NFATC2: variants seen among roughly 807,000 people sequenced by gnomAD.
NFATC2 encodes nuclear factor of activated T cells 2.
Under a neutral mutation model 87.3 loss-of-function variants are expected in NFATC2, and 22 were observed. The observed-to-expected ratio is 0.25, with a 90% CI of 0.18 to 0.36. The LOEUF (loss-of-function observed/expected upper bound fraction) is 0.36, where lower values mean the gene tolerates loss of function less well. Ranked by LOEUF, NFATC2 falls within the 10% of genes least tolerant of loss-of-function variation. NFATC2 has a pLI of 1.00. For missense variants in NFATC2, 1,149 were observed against 1,259.1 expected (o/e 0.91, Z 1.32); for synonymous variants, 565 against 542.2 (o/e 1.04, Z -0.58).
intron 9 of NFATC2, among the ~76,000 whole-genome samples, chr20:51,414,632 T>G (rs949506824): frequency 6.6e-6 from 1 of 151,572 alleles, no homozygotes; most frequent in African/African-American, 2.4e-5. Flanking sequence ...GAGGTTGCAG[T>G]GAGCAGAGAT....
intron 3 of NFATC2, among the ~76,000 whole-genome samples, chr20:51,487,337 G>A (rs527696630): frequency 9.2e-5 from 14 of 152,160 alleles, no homozygotes; most frequent in African/African-American, 3.4e-4. Context: ...ATTCCTCTGC[G>A]GGAGCCAGGG....
chr20:51,447,801 G>A (rs77108341), intron 6 of NFATC2, among the ~76,000 whole-genome samples: 1 of 152,214 alleles, frequency 6.6e-6, no homozygotes, highest in Non-Finnish European at 1.5e-5. Flanking sequence ...AAATAGGAAA[G>A]ACCCTGATTG....
chr20:51,538,701 A>C (rs1168013396), intron 1 of NFATC2, among the ~76,000 whole-genome samples: 2 of 152,254 alleles, frequency 1.3e-5, no homozygotes, highest in African/African-American at 4.8e-5. Context: ...CATTAACAAA[A>C]GCAAGGGTTT....
At chr20:51,513,484 T>C (rs574466128) in intron 3 of NFATC2, among the ~76,000 whole-genome samples, 1 of 152,226 alleles carries the variant, frequency 6.6e-6, no homozygotes, top group Non-Finnish European at 1.5e-5. Flanking sequence ...ATCTCTAAAA[T>C]AAGCAAACAA....
chr20:51,446,107 C>G (rs1282624384), intron 6 of NFATC2, among the ~76,000 whole-genome samples: 1 of 152,150 alleles, frequency 6.6e-6, no homozygotes, highest in South Asian at 2.1e-4. Context: ...CTTCCCCATC[C>G]GTAAAATGGG....
intron 9 of NFATC2, 104 bp from the exon 10 acceptor site, chr20:51,398,834 A>AACTT: frequency 2.5e-6 from 2 of 795,078 alleles, no homozygotes; most frequent in Non-Finnish European, 4.2e-6. Context: ...CCCAGGAGGG[A>AACTT]ACTTAACCCT....
chr20:51,474,950 C>T (rs902118688), intron 4 of NFATC2, among the ~76,000 whole-genome samples: 4 of 151,418 alleles, frequency 2.6e-5, no homozygotes, highest in Admixed American at 2.6e-4. Context: ...CATGAAAATA[C>T]TGACATATTA....
chr20:51,514,394 TTG>T (rs1342419819), intron 3 of NFATC2, among the ~76,000 whole-genome samples: 2 of 152,254 alleles, frequency 1.3e-5, no homozygotes, highest in African/African-American at 4.8e-5. Context: ...CCTGCTATGT[TTG>T]TGGCAGCAAA....
chr20:51,432,783 G>T lies in NFATC2; in HGVS notation c.2033-27C>A. On this transcript the variant is annotated intron_variant, in intron 8 of 10. Transcript: ENST00000371564. The surrounding 1 kb of genome is among the most constrained non-coding windows in gnomAD (Gnocchi z 4.6). ...TGGGAGGAGAAAAGAGCACATAGGGGCGCCCATGGCAGTGAGCCACGGATG... is the reference window on the plus strand; with the variant it reads ...TGGGAGGAGAAAAGAGCACATAGGGTCGCCCATGGCAGTGAGCCACGGATG... 6.6e-7 allele frequency: 1 copy of T among 1,523,148 alleles called. No individual in the cohort carries two copies. The allele number at this position is 1,523,148 out of a possible 1,614,324, so 94.4% of individuals were successfully genotyped here.
Position 51,407,413 on chromosome 20 carries a change from G to A in NFATC2, c.2723-8683C>T, listed in dbSNP as rs184249488. ...TTAGCCCCAGCAGTGAGCAATAAACGGCTGTTGGATGAATGAATGATTTAG... is the reference window on the plus strand; with the variant it reads ...TTAGCCCCAGCAGTGAGCAATAAACAGCTGTTGGATGAATGAATGATTTAG... On this transcript the variant is annotated intron_variant, in intron 9 of 10. Coordinates refer to ENST00000371564, the MANE Select transcript of NFATC2 (RefSeq NM_012340.5). 6.6e-5 allele frequency among the ~76,000 whole-genome samples: 10 copies of A among 152,304 alleles called. No homozygotes were observed. In the East Asian group the frequency reaches 1.9e-3, roughly 29 times the overall value.
At position 51,387,560 on chromosome 20, in the gene NFATC2, T is replaced by A. The variant is rs1285172103; in HGVS notation, c.*3936A>T. ...ACTCACAAAAGCTGAGGGAAATGGA[T>A]GTTTATGATCACAATTTTATAGGAT... On this transcript the variant is annotated 3_prime_UTR_variant, in exon 11 of 11. Coordinates refer to ENST00000371564, the MANE Select transcript of NFATC2 (RefSeq NM_012340.5). 1 of 152,212 alleles carries A rather than the reference T, an allele frequency of 6.6e-6. No individual in the cohort carries two copies. Among genetic ancestry groups the A allele is most frequent in the Admixed American group, 6.5e-5 (1 of 15,288 alleles). 9.4% of individuals were successfully genotyped at this position (152,212 alleles called of 1,614,324 possible).
At chr20:51,459,378 C>A (rs543741892) in intron 5 of NFATC2, among the ~76,000 whole-genome samples, 17 of 152,238 alleles carry the variant, frequency 1.1e-4, no homozygotes, top group Admixed American at 5.9e-4. Flanking sequence ...GAGAGCAGAT[C>A]GGGGCTCACT....
In NFATC2 at chr20:51,562,459, G is replaced by T; in HGVS notation, c.70+101C>A. 1.8e-6 allele frequency: 2 copies of T among 1,114,040 alleles called. No individual in the cohort carries two copies. Among genetic ancestry groups the T allele is most frequent in the East Asian group, 2.7e-5 (1 of 36,452 alleles). The allele number at this position is 1,114,040 out of a possible 1,614,324, so 69.0% of individuals were successfully genotyped here. ...GCGGGGTCCCCAGGCCTCCCGCACC[G>T]ACCTCTGCCGGGAGCTGAAAGTGCT... On this transcript the variant is annotated intron_variant, in intron 1 of 10. Coordinates refer to the NFATC2 transcript ENST00000414705. The surrounding 1 kb of genome is among the most constrained non-coding windows in gnomAD (Gnocchi z 5.8).
chr20:51,498,480 CAT>C (rs1286562391), intron 3 of NFATC2, among the ~76,000 whole-genome samples: 2 of 152,080 alleles, frequency 1.3e-5, no homozygotes, highest in African/African-American at 4.8e-5. Flanking sequence ...GAAGAGAGAA[CAT>C]ATATCAGGCT....
Position 51,562,523 on chromosome 20 carries a change from G to C in NFATC2, c.70+37C>G. Reference sequence around the variant, plus strand: ...GCAGCAGGAAAGGGCCGGGAGGAGCGAGCGGAAAAGGCTGGAAGGGATCGA... The same window carrying C: ...GCAGCAGGAAAGGGCCGGGAGGAGCCAGCGGAAAAGGCTGGAAGGGATCGA... On this transcript the variant is annotated intron_variant, in intron 1 of 10. Transcript: ENST00000414705. The surrounding 1 kb of genome is among the most constrained non-coding windows in gnomAD (Gnocchi z 5.8). The C allele has an allele frequency of 1.3e-6, 2 of 1,519,778 alleles. No homozygotes were observed. The highest frequency in any genetic ancestry group is 1.8e-6 in the Non-Finnish European group (2 of 1,120,530). 94.1% of individuals were successfully genotyped at this position (1,519,778 alleles called of 1,614,324 possible).
rs397864888 is a variant in NFATC2, at chr20:51,540,658, G to GTTTTTTTTTTTTTTT, written c.130+1711_130+1712insAAAAAAAAAAAAAAA. Among the ~76,000 whole-genome samples the GTTTTTTTTTTTTTTT allele has an allele frequency of 8.5e-4, 93 of 110,000 alleles. 2 individuals are homozygous for GTTTTTTTTTTTTTTT. The East Asian group carries it at 9.1e-3, about 11-fold the overall frequency. 72.2% of individuals were successfully genotyped at this position (110,000 alleles called of 152,430 possible). ...TTCCAAAAACTGAAGTTTTTTTTTT[G>GTTTTTTTTTTTTTTT]TTTTTTTTTTTTTGAGAAAACAGAT... On this transcript the variant is annotated intron_variant, in intron 1 of 10. Transcript: ENST00000371564.
At position 51,471,251 on chromosome 20, in the gene NFATC2, T is replaced by C. The variant is rs1294569306; in HGVS notation, c.1708+2729A>G. Among the ~76,000 whole-genome samples the C allele has an allele frequency of 4.6e-5, 7 of 152,144 alleles. No individual in the cohort carries two copies. The South Asian group carries it at 8.3e-4, about 18-fold the overall frequency. On this transcript the variant is annotated intron_variant, in intron 5 of 10. Coordinates refer to ENST00000371564, the MANE Select transcript of NFATC2 (RefSeq NM_012340.5). ...TCAGGGGCTCCTGTCCCCACCTTGC[T>C]ACAAACCCCAGTCCCATCCTGGAAC...
intron 6 of NFATC2, among the ~76,000 whole-genome samples, chr20:51,452,388 T>TC (rs1048793461): frequency 1.1e-4 from 16 of 152,082 alleles, no homozygotes; most frequent in African/African-American, 3.6e-4. Context: ...TCTCTAAGCC[T>TC]CCCCTTCTCC....
intron 3 of NFATC2, among the ~76,000 whole-genome samples, chr20:51,500,631 TC>T (rs2076062998): frequency 6.7e-5 from 3 of 44,454 alleles, no homozygotes; most frequent in African/African-American, 2.1e-4. Context: ...CTCCCACCCC[TC>T]CACCCTCACC....
Sources: gnomAD v4.1 joint callset for allele counts (sites outside exome capture counted in the v4.1 genomes callset) on GRCh38, gnomAD v4.1.1 for gene constraint, Gnocchi (gnomAD v3.1) non-coding constraint, MANE v1.5 for transcripts, NCBI Gene and HGNC (gene_info 2026-07-23, HGNC 2026-07-21) for gene names.